Variants in ARHGEF10 observed in about 807,000 individuals in gnomAD.
ARHGEF10 encodes the protein Rho guanine nucleotide exchange factor (GEF) 10.
ARHGEF10 carries 140 observed loss-of-function variants against 147.4 expected under a neutral mutation model. The ratio of observed to expected loss-of-function variants is 0.95; its 90% CI spans 0.83 to 1.09. The LOEUF (loss-of-function observed/expected upper bound fraction) is 1.09, where lower values mean the gene tolerates loss of function less well. Ranked by LOEUF, ARHGEF10 falls within the 50% of genes least tolerant of loss-of-function variation. The pLI, the probability that ARHGEF10 is intolerant of heterozygous loss-of-function variation, is 0.00. For missense variants in ARHGEF10, 2,222 were observed against 1,752.7 expected, an observed-to-expected ratio of 1.27 and a Z score of -4.78; for synonymous variants, 902 against 695.8, an observed-to-expected ratio of 1.30 and a Z score of -4.67.
chr8:1,910,471 C>T (rs1479643003), intron 18 of ARHGEF10, among the ~76,000 whole-genome samples: 1 of 152,136 alleles, frequency 6.6e-6, no homozygotes, highest in Non-Finnish European at 1.5e-5. Context: ...TTTGTAATCT[C>T]TTAAATTTCT....
intron 2 of ARHGEF10, among the ~76,000 whole-genome samples, chr8:1,856,225 T>C (rs1805543847): frequency 6.6e-6 from 1 of 152,218 alleles, no homozygotes; most frequent in East Asian, 1.9e-4. Flanking sequence ...ATAACACATT[T>C]CTGAATCCTT....
At chr8:1,865,959 C>T (rs1207201533) in intron 5 of ARHGEF10, among the ~76,000 whole-genome samples, 2 of 152,214 alleles carry the variant, frequency 1.3e-5, no homozygotes, top group Non-Finnish European at 2.9e-5. Flanking sequence ...TGAGTCTGAC[C>T]TCATCATCCT....
At chr8:1,880,928 C>G (rs1808136175) in intron 9 of ARHGEF10, among the ~76,000 whole-genome samples, 2 of 152,214 alleles carry the variant, frequency 1.3e-5, no homozygotes, top group Non-Finnish European at 2.9e-5. Context: ...CAGCCGCCCC[C>G]TGGGAGCCGC....
intron 26 of ARHGEF10, 23 bp from the exon 27 acceptor site, chr8:1,945,458 G>T: frequency 6.4e-7 from 1 of 1,569,074 alleles, no homozygotes; most frequent in Non-Finnish European, 8.6e-7. Flanking sequence ...GGGGCTAGCA[G>T]ACTTGACCTC....
At chr8:1,923,693 C>G (rs1812467988) in intron 20 of ARHGEF10, 81 bp from the exon 21 acceptor site, 2 of 1,613,218 alleles carry the variant, frequency 1.2e-6, no homozygotes, top group Non-Finnish European at 1.7e-6. Flanking sequence ...CTGATTCTAT[C>G]AGACAGGCAA....
Position 1,905,515 on chromosome 8 carries a change from T to C in ARHGEF10, c.1822-56T>C, listed in dbSNP as rs1449537322. On this transcript the variant is annotated intron_variant, in intron 16 of 28. Coordinates refer to ENST00000349830, the MANE Select transcript of ARHGEF10 (RefSeq NM_014629.4). ...CTCCATACCAGACTTCTCCTCATCT[T>C]TTTCTTTTCCGGGTAAACTGAACTG... The C allele has an allele frequency of 2.5e-6, 4 of 1,612,318 alleles. No homozygotes were observed. In the African/African-American group the frequency reaches 4.0e-5, roughly 16 times the overall value.
At chr8:1,855,878 C>T (rs1051188679) in intron 2 of ARHGEF10, among the ~76,000 whole-genome samples, 12 of 151,674 alleles carry the variant, frequency 7.9e-5, no homozygotes, top group Non-Finnish European at 1.5e-5. Flanking sequence ...AAAAGGTATT[C>T]ACCAGTTCAT....
chr8:1,916,549 A>C (rs1029980783), intron 18 of ARHGEF10, among the ~76,000 whole-genome samples: 6 of 152,172 alleles, frequency 3.9e-5, no homozygotes, highest in African/African-American at 1.4e-4. Context: ...TCAGCTTTGC[A>C]CCTGGGAGTC....
intron 18 of ARHGEF10, among the ~76,000 whole-genome samples, chr8:1,918,500 GTGTGT>G (rs1249809531): frequency 1.4e-5 from 2 of 142,104 alleles, no homozygotes; most frequent in Non-Finnish European, 3.1e-5. Flanking sequence ...GTGTGTGTGT[GTGTGT>G]TATTTTAAAA....
intron 26 of ARHGEF10, among the ~76,000 whole-genome samples, chr8:1,939,149 G>T (rs925465872): frequency 5.3e-5 from 8 of 152,256 alleles, no homozygotes; most frequent in African/African-American, 1.9e-4. Context: ...TCCATAGCCT[G>T]CTTTCTTTCA....
chr8:1,933,968 T>C (rs1813362722), intron 26 of ARHGEF10, 26 bp downstream of exon 26: 1 of 1,613,880 alleles, frequency 6.2e-7, no homozygotes, highest in Admixed American at 1.7e-5. Context: ...GGCTACACGG[T>C]GTGGAAAAAA....
intron 8 of ARHGEF10, 75 bp from the exon 9 acceptor site, chr8:1,879,973 C>T (rs2129119654): frequency 1.9e-6 from 2 of 1,034,032 alleles, no homozygotes; most frequent in Non-Finnish European, 3.1e-6. Flanking sequence ...CTGCCAGCAT[C>T]CTCTCAATGT....
intron 25 of ARHGEF10, among the ~76,000 whole-genome samples, chr8:1,929,944 T>C (rs1329780035): frequency 6.6e-6 from 1 of 152,118 alleles, no homozygotes; most frequent in Non-Finnish European, 1.5e-5. Flanking sequence ...TCCCGCCTGG[T>C]CCCCGCAGCC....
intron 27 of ARHGEF10, among the ~76,000 whole-genome samples, chr8:1,951,051 G>A (rs1815004373): frequency 6.6e-6 from 1 of 152,172 alleles, no homozygotes; most frequent in South Asian, 2.1e-4. Context: ...CCATCCTAGT[G>A]CCACACGGAG....
chr8:1,951,514 T>G (rs2129287977), intron 27 of ARHGEF10, among the ~76,000 whole-genome samples: 1 of 152,322 alleles, frequency 6.6e-6, no homozygotes, highest in South Asian at 2.1e-4. Context: ...GTTTTTTGTT[T>G]TGGGGGAGGC....
intron 26 of ARHGEF10, among the ~76,000 whole-genome samples, chr8:1,945,071 C>A (rs1814454260): frequency 6.6e-6 from 1 of 152,262 alleles, no homozygotes; most frequent in Non-Finnish European, 1.5e-5. Flanking sequence ...AGACTCAGAA[C>A]CAGGGTCAGG....
intron 18 of ARHGEF10, among the ~76,000 whole-genome samples, chr8:1,916,051 C>A (rs1008393312): frequency 6.6e-6 from 1 of 152,232 alleles, no homozygotes; most frequent in Non-Finnish European, 1.5e-5. Context: ...GAGTGCCATG[C>A]CTGTGTGTCA....
rs144660265 is a variant in ARHGEF10, at chr8:1,947,873, T to C, written c.3397+2218T>C. 3.9e-4 allele frequency among the ~76,000 whole-genome samples: 59 copies of C among 151,368 alleles called. No individual in the cohort carries two copies. In the East Asian group the frequency reaches 0.01, roughly 26 times the overall value. On this transcript the variant is annotated intron_variant, in intron 27 of 28. Coordinates refer to ENST00000349830, the MANE Select transcript of ARHGEF10 (RefSeq NM_014629.4). ...TTTGTTTTAGATACTGTCTTTGACC[T>C]CTCCTGTAGAAGAGAAAGATGGAAT...
chr8:1,893,038 C>G (rs1809674426), intron 11 of ARHGEF10, among the ~76,000 whole-genome samples: 1 of 139,310 alleles, frequency 7.2e-6, no homozygotes, highest in Non-Finnish European at 1.5e-5. Context: ...GAATAATTTA[C>G]TGTCCACATT....
Sources: gnomAD v4.1 joint callset for allele counts (sites outside exome capture counted in the v4.1 genomes callset) on GRCh38, gnomAD v4.1.1 for gene constraint, MANE v1.5 for transcripts, NCBI Gene and HGNC (gene_info 2026-07-23, HGNC 2026-07-21) for gene names.